AP3B2: variants seen among roughly 807,000 people sequenced by gnomAD.
AP3B2 encodes the protein AP-3 complex subunit beta-2.
AP3B2 carries 50 observed loss-of-function variants against 126.9 expected under a neutral mutation model. That is an observed-to-expected ratio of 0.39 (90% CI 0.31 to 0.50). The LOEUF is 0.50. AP3B2 is among the 20% of genes least tolerant of loss of function. AP3B2 has a pLI of 0.79. For missense variants in AP3B2, 1,177 were observed against 1,426.4 expected (o/e 0.83, Z 2.82); for synonymous variants, 541 against 565.0 (o/e 0.96, Z 0.60).
intron 4 of AP3B2, chr15:82,688,272 A>G (rs539498035): frequency 1.6e-6 from 1 of 614,936 alleles, no homozygotes; most frequent in South Asian, 1.9e-5. Context: ...ACATGCACCT[A>G]ACATATGTAA....
chr15:82,663,877 C>T lies in AP3B2; in HGVS notation c.2360G>A (p.Ser787Asn), dbSNP rs759513010. ...SSSDEGSDSS[S>N]SSSESEMTSE... ...TGTCATCTCGGACTCTGATGAGCTA[C>T]TGCTGGAATCGCTGCCCTCATCAGA... Residue 787 changes from serine to asparagine, a missense_variant, in exon 20 of 27, where the codon AGT becomes AAT. Ser to Asn is a conservative substitution (Grantham distance 46). This residue lies in a region of AP3B2 where 587 missense variants were observed against 571.3 expected (regional missense o/e 1.03). Transcript: ENST00000535359. 6.2e-7 allele frequency: 1 copy of T among 1,613,880 alleles called. No individual in the cohort carries two copies. The highest frequency in any genetic ancestry group is 2.2e-5 in the East Asian group (1 of 44,884).
At chr15:82,703,638 A>C (rs1031241652) in intron 1 of AP3B2, among the ~76,000 whole-genome samples, 1 of 152,224 alleles carries the variant, frequency 6.6e-6, no homozygotes, top group East Asian at 1.9e-4. Flanking sequence ...CGATTTTTCC[A>C]TCCTACAAGA....
At chr15:82,677,443 A>G in intron 12 of AP3B2, 60 bp from the exon 13 acceptor site, 1 of 1,494,660 alleles carries the variant, frequency 6.7e-7, no homozygotes, top group Non-Finnish European at 9.2e-7. Context: ...ACTCAGGTGG[A>G]CAGACACACC....
intron 1 of AP3B2, chr15:82,692,195 T>G: frequency 7.1e-7 from 1 of 1,406,060 alleles, no homozygotes; most frequent in Non-Finnish European, 9.8e-7. Context: ...CCTCTGCATC[T>G]CGGGGGTCCT....
chr15:82,693,609 C>T (rs2048583996), intron 1 of AP3B2, among the ~76,000 whole-genome samples: 1 of 150,814 alleles, frequency 6.6e-6, no homozygotes, highest in African/African-American at 2.4e-5. Flanking sequence ...ATTTGCTTAA[C>T]AGTTAATTAT....
At position 82,659,667 on chromosome 15, in the gene AP3B2, T is replaced by A. The variant is rs749453733; in HGVS notation, c.3199A>T (p.Thr1067Ser). 11 of 1,613,674 alleles carry A rather than the reference T, an allele frequency of 6.8e-6. No individual in the cohort carries two copies. The change falls in exon 27 of 27, where the codon ACC becomes TCC. Residue 1067 changes from threonine to serine, a missense_variant. Physicochemically the swap from Thr to Ser is moderately conservative, Grantham distance 58. Around this residue, in one of 5 missense-constraint regions of AP3B2, gnomAD observed 587 missense variants for 571.3 expected, o/e 1.03. Coordinates refer to ENST00000535359, the MANE Select transcript of AP3B2 (RefSeq NM_001278512.2). The stretch of plus-strand genomic sequence containing the variant: ...GCTCCAGCTGGCCGGGCATCCAGGG[T>A]CAGCAGAACGAGGCTTCCACCAGTC... Reference protein sequence around the residue: ...TLTGGSLVLLTLDARPAGAAQ... With the variant: ...TLTGGSLVLLSLDARPAGAAQ...
In AP3B2 at chr15:82,663,107, C is replaced by A; in HGVS notation, c.2604+20G>T. On this transcript the variant is annotated intron_variant, in intron 22 of 26. Coordinates refer to ENST00000535359, the MANE Select transcript of AP3B2 (RefSeq NM_001278512.2). ...GATGTGTCCCTGCCCCAGCCCGGTCCCCTCCTCCATCCCACTCACCGACGG... is the reference window on the plus strand; with the variant it reads ...GATGTGTCCCTGCCCCAGCCCGGTCACCTCCTCCATCCCACTCACCGACGG... 1 of 1,593,644 alleles carries A rather than the reference C, an allele frequency of 6.3e-7. No homozygotes were observed. Among genetic ancestry groups the A allele is most frequent in the Non-Finnish European group, 8.6e-7 (1 of 1,168,436 alleles).
chr15:82,709,549 C>G (rs1199614292), intron 1 of AP3B2, 45 bp downstream of exon 1: 22 of 1,390,978 alleles, frequency 1.6e-5, no homozygotes, highest in Non-Finnish European at 2.0e-5. Flanking sequence ...CTCGCCCGGT[C>G]CCCGGCCCCA....
intron 10 of AP3B2, 131 bp downstream of exon 10, chr15:82,679,598 T>G: frequency 1.2e-6 from 1 of 808,840 alleles, no homozygotes; most frequent in Non-Finnish European, 2.0e-6. Context: ...CAGCTCCAGC[T>G]GGGGCAGTCA....
Position 82,663,200 on chromosome 15 carries a change from G to T in AP3B2, c.2531C>A (p.Pro844Gln), listed in dbSNP as rs745327053. ...TPPSVQPVSP[P>Q]AIVSTSLAAD... Reference sequence around the variant, plus strand: ...AGCCAGACTGGTAGACACAATTGCTGGGGGAGACACAGGCTGGACACTGGG... The same window carrying T: ...AGCCAGACTGGTAGACACAATTGCTTGGGGAGACACAGGCTGGACACTGGG... The change falls in exon 22 of 27, where the codon CCA becomes CAA. Residue 844 changes from proline to glutamine, a missense_variant. Around this residue, in one of 5 missense-constraint regions of AP3B2, gnomAD observed 587 missense variants for 571.3 expected, o/e 1.03. Coordinates refer to ENST00000535359, the MANE Select transcript of AP3B2 (RefSeq NM_001278512.2). The T allele has an allele frequency of 6.8e-6, 11 of 1,613,106 alleles. No homozygotes were observed. The African/African-American group carries it at 9.3e-5, about 14-fold the overall frequency.
chr15:82,664,821 T>C lies in AP3B2; in HGVS notation c.2137+14A>G. 2 of 1,564,604 alleles carry C rather than the reference T, an allele frequency of 1.3e-6. No individual in the cohort carries two copies. Among genetic ancestry groups the C allele is most frequent in the Non-Finnish European group, 1.7e-6 (2 of 1,147,902 alleles). ...GGCAGAGCACAGAGGACCCCAGCTC[T>C]GCCATCTGCTCACCACTGTCTGCGG... On this transcript the variant is annotated intron_variant, in intron 18 of 26. Transcript: ENST00000535359. The surrounding 1 kb of genome is among the most constrained non-coding windows in gnomAD (Gnocchi z 4.5).
chr15:82,663,725 A>G, intron 20 of AP3B2, 76 bp downstream of exon 20: 1 of 1,599,412 alleles, frequency 6.3e-7, no homozygotes, highest in Non-Finnish European at 8.5e-7. Flanking sequence ...AGGGAGATAG[A>G]TGTCTGGGCC....
Position 82,680,364 on chromosome 15 carries a change from G to A in AP3B2, c.1055+108C>T, listed in dbSNP as rs1421311001. ...GGCAGGACTACGGTCAGTGTGGAGCGGGTGGGCAGAGGTGGAAGCGGCTGG... is the reference window on the plus strand; with the variant it reads ...GGCAGGACTACGGTCAGTGTGGAGCAGGTGGGCAGAGGTGGAAGCGGCTGG... On this transcript the variant is annotated intron_variant, in intron 8 of 26. Coordinates refer to ENST00000535359, the MANE Select transcript of AP3B2 (RefSeq NM_001278512.2). The surrounding 1 kb of genome is among the most constrained non-coding windows in gnomAD (Gnocchi z 6.1). The A allele has an allele frequency of 1.3e-5, 19 of 1,479,994 alleles. No homozygotes were observed. The highest frequency in any genetic ancestry group is 8.2e-5 in the Admixed American group (4 of 48,866). The allele number at this position is 1,479,994 out of a possible 1,614,324, so 91.7% of individuals were successfully genotyped here.
Position 82,681,223 on chromosome 15 carries a change from G to A in AP3B2, c.522-45C>T. The A allele has an allele frequency of 6.3e-7, 1 of 1,581,986 alleles. No homozygotes were observed. The highest frequency in any genetic ancestry group is 8.6e-7 in the Non-Finnish European group (1 of 1,162,810). ...GGGGAATTTGCCACTCTCAGCCCCAGCCTTCCCAATATCTGTCCAAGCCAT... is the reference window on the plus strand; with the variant it reads ...GGGGAATTTGCCACTCTCAGCCCCAACCTTCCCAATATCTGTCCAAGCCAT... On this transcript the variant is annotated intron_variant, in intron 5 of 26. Transcript: ENST00000535359. This position sits in a 1 kb window ranked among gnomAD's most constrained non-coding sequence, Gnocchi z 4.0.
At chr15:82,659,801 G>C (rs1446970042) in intron 26 of AP3B2, 44 bp downstream of exon 26, 1 of 1,609,584 alleles carries the variant, frequency 6.2e-7, no homozygotes, top group Non-Finnish European at 8.5e-7. Flanking sequence ...CTTCAAACCA[G>C]GGCCCCCATG....
Position 82,677,662 on chromosome 15 carries a change from A to T in AP3B2, c.1378+9T>A. 2 of 1,529,522 alleles carry T rather than the reference A, an allele frequency of 1.3e-6. No homozygotes were observed. The highest frequency in any genetic ancestry group is 1.8e-6 in the Non-Finnish European group (2 of 1,137,290). The allele number at this position is 1,529,522 out of a possible 1,614,324, so 94.7% of individuals were successfully genotyped here. ...ATCATCACGGTTAGACACTCAGGGA[A>T]ACACTGACCATCACGGTTGGACAGC... On this transcript the variant is annotated intron_variant, in intron 12 of 26. Transcript: ENST00000535359.
At chr15:82,678,218 T>C in intron 10 of AP3B2, 51 bp from the exon 11 acceptor site, 1 of 1,540,322 alleles carries the variant, frequency 6.5e-7, no homozygotes. Flanking sequence ...CCAGTGGACT[T>C]TCTGTGCTTT....
At chr15:82,697,315 C>T (rs2048644573) in intron 1 of AP3B2, among the ~76,000 whole-genome samples, 1 of 151,828 alleles carries the variant, frequency 6.6e-6, no homozygotes, top group Non-Finnish European at 1.5e-5. Context: ...GCCTGGGCAA[C>T]AGAACGAGAC....
Position 82,665,072 on chromosome 15 carries a change from A to T in AP3B2, c.2029-129T>A. 9.7e-7 allele frequency: 1 copy of T among 1,026,962 alleles called. No individual in the cohort carries two copies. The highest frequency in any genetic ancestry group is 1.5e-6 in the Non-Finnish European group (1 of 688,980). The allele number at this position is 1,026,962 out of a possible 1,614,324, so 63.6% of individuals were successfully genotyped here. On this transcript the variant is annotated intron_variant, in intron 17 of 26. Transcript: ENST00000535359. The surrounding 1 kb of genome is among the most constrained non-coding windows in gnomAD (Gnocchi z 4.4). ...TGGTCTGTCCCACAAAGGGAATAACAGAGGAGGAAGAAAGGGGCACTGTCC... is the reference window on the plus strand; with the variant it reads ...TGGTCTGTCCCACAAAGGGAATAACTGAGGAGGAAGAAAGGGGCACTGTCC...
Sources: allele counts gnomAD v4.1 joint callset (sites outside exome capture counted in the v4.1 genomes callset), GRCh38; gene constraint gnomAD v4.1.1; regional missense constraint gnomAD v4.1.1; non-coding constraint Gnocchi (gnomAD v3.1); transcripts MANE v1.5; gene names NCBI Gene and HGNC (gene_info 2026-07-23, HGNC 2026-07-21).